Variants in GABRR1 observed in about 807,000 individuals in gnomAD.
GABRR1 encodes the protein gamma-aminobutyric acid receptor subunit rho-1.
GABRR1 carries 59 observed loss-of-function variants against 55.5 expected under a neutral mutation model. That is an observed-to-expected ratio of 1.06 (90% CI 0.86 to 1.32). The LOEUF (loss-of-function observed/expected upper bound fraction) is 1.32, where lower values mean the gene tolerates loss of function less well. GABRR1 is among the 40% of genes most tolerant of loss of function. GABRR1 has a pLI of 0.00. For synonymous variants in GABRR1, 213 were observed against 226.0 expected (o/e 0.94, Z 0.51); for missense variants, 602 against 619.1 (o/e 0.97, Z 0.29).
intron 1 of GABRR1, among the ~76,000 whole-genome samples, chr6:89,204,882 T>C (rs1416049849): frequency 6.6e-6 from 1 of 152,200 alleles, no homozygotes; most frequent in African/African-American, 2.4e-5. Flanking sequence ...TTTCTTATGA[T>C]TCTTGGAGAA....
intron 1 of GABRR1, among the ~76,000 whole-genome samples, chr6:89,223,759 C>T (rs1440590999): frequency 6.9e-6 from 1 of 145,960 alleles, no homozygotes; most frequent in Non-Finnish European, 1.5e-5. Context: ...GGTGGTATTG[C>T]ATTGTGGGTT....
At position 89,190,255 on chromosome 6, in the gene GABRR1, C is replaced by T. The variant is rs867119980; in HGVS notation, c.573-8G>A. 29 of 1,588,044 alleles carry T rather than the reference C, an allele frequency of 1.8e-5. No homozygotes were observed. The Middle Eastern group carries it at 3.7e-3, about 201-fold the overall frequency. ...ATTGCAGTTACTGTAACCCTAGGGC[C>T]AAAAAGACAAAATTGATTTATTCAG... On this transcript the variant is annotated splice_polypyrimidine_tract_variant and splice_region_variant and intron_variant, in intron 5 of 9. Transcript: ENST00000454853.
At chr6:89,203,019 G>A (rs1772526856) in intron 2 of GABRR1, among the ~76,000 whole-genome samples, 1 of 152,210 alleles carries the variant, frequency 6.6e-6, no homozygotes, top group South Asian at 2.1e-4. Flanking sequence ...CAACCTGGAA[G>A]TACTTCTCAA....
chr6:89,197,660 C>A (rs1772342734), intron 5 of GABRR1, among the ~76,000 whole-genome samples: 1 of 151,990 alleles, frequency 6.6e-6, no homozygotes, highest in East Asian at 1.9e-4. Flanking sequence ...AGCAGAAGAA[C>A]TTTTTTTTAA....
chr6:89,196,003 CA>C (rs987234052), intron 5 of GABRR1, among the ~76,000 whole-genome samples: 1 of 152,154 alleles, frequency 6.6e-6, no homozygotes, highest in Non-Finnish European at 1.5e-5. Flanking sequence ...GTGAGTAGTA[CA>C]AAATATTGAG....
intron 5 of GABRR1, among the ~76,000 whole-genome samples, chr6:89,191,210 G>T (rs1772073988): frequency 6.6e-6 from 1 of 152,118 alleles, no homozygotes; most frequent in African/African-American, 2.4e-5. Flanking sequence ...TTCTATCTAT[G>T]AGGCATTTTT....
At chr6:89,204,579 C>A in intron 1 of GABRR1, 1 of 1,222,816 alleles carries the variant, frequency 8.2e-7, no homozygotes, top group Non-Finnish European at 1.1e-6. Context: ...TGGAAAAAAG[C>A]TTGGCCCAGC....
upstream of GABRR1, among the ~76,000 whole-genome samples, chr6:89,219,662 C>A (rs1773083450): frequency 6.6e-6 from 1 of 152,170 alleles, no homozygotes; most frequent in South Asian, 2.1e-4. Flanking sequence ...GGCTATTTTA[C>A]AATTCTGTAA....
chr6:89,213,279 T>C (rs1034275396), intron 1 of GABRR1, among the ~76,000 whole-genome samples: 6 of 152,186 alleles, frequency 3.9e-5, no homozygotes, highest in African/African-American at 9.7e-5. Flanking sequence ...AGCATGACCA[T>C]GTAAAGAAGC....
intron 2 of GABRR1, 37 bp downstream of exon 2, chr6:89,203,398 C>T: frequency 1.3e-6 from 2 of 1,581,096 alleles, no homozygotes; most frequent in Non-Finnish European, 8.7e-7. Context: ...ACGGAGGAAA[C>T]ATCTGCAGAA....
intron 1 of GABRR1, 22 bp downstream of exon 1, chr6:89,217,179 C>T (rs915420876): frequency 6.2e-7 from 1 of 1,612,680 alleles, no homozygotes; most frequent in Non-Finnish European, 8.5e-7. Context: ...CCTAAATCCT[C>T]TATCCCTAAA....
At chr6:89,187,870 T>C (rs1210922748) in intron 6 of GABRR1, among the ~76,000 whole-genome samples, 15 of 152,228 alleles carry the variant, frequency 9.9e-5, no homozygotes, top group East Asian at 1.9e-4. Context: ...CATTCATCCA[T>C]TGATGGACAC....
rs376272731 is a variant in GABRR1, at chr6:89,198,277, C to T, written c.349-34G>A. The T allele has an allele frequency of 4.8e-6, 7 of 1,450,350 alleles. No homozygotes were observed. In the African/African-American group the frequency reaches 7.0e-5, roughly 14 times the overall value. 89.8% of individuals were successfully genotyped at this position (1,450,350 alleles called of 1,614,324 possible). A position where few individuals can be genotyped will look rare whatever the true frequency, so the allele number is the denominator to read the frequency against. On this transcript the variant is annotated intron_variant, in intron 4 of 9. Transcript: ENST00000454853. Reference sequence around the variant, plus strand: ...AGAAGGGCAGAGAGGGAACCCCAGACACACACAAACCCACTGAGATGTGGA... The same window carrying T: ...AGAAGGGCAGAGAGGGAACCCCAGATACACACAAACCCACTGAGATGTGGA...
upstream of GABRR1, among the ~76,000 whole-genome samples, chr6:89,219,409 T>G (rs769238697): frequency 6.6e-6 from 1 of 152,210 alleles, no homozygotes; most frequent in Non-Finnish European, 1.5e-5. Context: ...AGGAGGCATC[T>G]ATGATGCACT....
intron 1 of GABRR1, among the ~76,000 whole-genome samples, chr6:89,209,636 T>C (rs1196168414): frequency 6.6e-6 from 1 of 152,046 alleles, no homozygotes; most frequent in Non-Finnish European, 1.5e-5. Context: ...GAGTCAAGAC[T>C]CACGAGGTCT....
At chr6:89,190,327 C>T (rs1772048183) in intron 5 of GABRR1, 80 bp from the exon 6 acceptor site, 1 of 931,106 alleles carries the variant, frequency 1.1e-6, no homozygotes, top group Non-Finnish European at 1.7e-6. Flanking sequence ...AAGGCCTCTG[C>T]TTCCTTCCAA....
chr6:89,201,778 CAAAA>C (rs56035443), intron 2 of GABRR1, among the ~76,000 whole-genome samples: 12 of 134,414 alleles, frequency 8.9e-5, no homozygotes, highest in Admixed American at 2.2e-4. Flanking sequence ...GACCCCGTCT[CAAAA>C]AAAAAAAAAA....
chr6:89,222,152 A>T (rs1421448404), upstream of GABRR1, among the ~76,000 whole-genome samples: 1 of 152,214 alleles, frequency 6.6e-6, no homozygotes, highest in Admixed American at 6.5e-5. Context: ...TTCACATTTC[A>T]CTGGCAAGAA....
intron 4 of GABRR1, among the ~76,000 whole-genome samples, chr6:89,199,007 T>G (rs956265176): frequency 6.6e-6 from 1 of 152,134 alleles, no homozygotes; most frequent in Non-Finnish European, 1.5e-5. Context: ...CTTTTGCTTC[T>G]TTTGCATTTC....
Sources: gnomAD v4.1 joint callset for allele counts (sites outside exome capture counted in the v4.1 genomes callset) on GRCh38, gnomAD v4.1.1 for gene constraint, MANE v1.5 for transcripts, NCBI Gene and HGNC (gene_info 2026-07-23, HGNC 2026-07-21) for gene names.